Variants in ACYP2 observed in about 807,000 individuals in gnomAD.
ACYP2 encodes acylphosphatase 2.
ACYP2 carries 12 observed loss-of-function variants against 11.2 expected under a neutral mutation model. The ratio of observed to expected loss-of-function variants is 1.08; its 90% CI spans 0.69 to 1.74. ACYP2 has a LOEUF of 1.74. Among genes scored for constraint, ACYP2 ranks in the 40% most tolerant of loss-of-function variants. The pLI is 0.00. For synonymous variants in ACYP2, 43 were observed against 32.2 expected, an observed-to-expected ratio of 1.33 and a Z score of -1.13; for missense variants, 134 against 101.9, an observed-to-expected ratio of 1.31 and a Z score of -1.35.
intron 2 of ACYP2, among the ~76,000 whole-genome samples, chr2:54,033,308 C>T (rs1197066372): frequency 4.6e-5 from 7 of 151,866 alleles, no homozygotes; most frequent in Middle Eastern, 3.4e-3. Flanking sequence ...AGCTATCTTC[C>T]GACCTCACCC....
intron 6 of ACYP2, among the ~76,000 whole-genome samples, chr2:54,244,798 T>C (rs953852234): frequency 6.6e-6 from 1 of 152,218 alleles, no homozygotes; most frequent in Non-Finnish European, 1.5e-5. Flanking sequence ...ATGGAGTACA[T>C]AGTGATGTTT....
chr2:54,031,460 C>A (rs1674582323), intron 2 of ACYP2, among the ~76,000 whole-genome samples: 1 of 152,028 alleles, frequency 6.6e-6, no homozygotes, highest in Admixed American at 6.6e-5. Flanking sequence ...TGAACTCATC[C>A]TTTTTTATGG....
In ACYP2 at chr2:54,137,120, A is replaced by G. The variant is rs145711352; in HGVS notation, c.295-1519A>G. On this transcript the variant is annotated intron_variant, in intron 5 of 6. Transcript: ENST00000607452. The stretch of plus-strand genomic sequence containing the variant: ...AAAAAGGCAATTTTAAAAGACTATT[A>G]ATAATAATAGGAGAGATAAATCTAC... Among the ~76,000 whole-genome samples the G allele has an allele frequency of 6.6e-5, 10 of 152,146 alleles. No homozygotes were observed. In the East Asian group the frequency reaches 1.7e-3, roughly 26 times the overall value.
At chr2:54,278,829 G>A (rs1426083323) in intron 6 of ACYP2, among the ~76,000 whole-genome samples, 1 of 152,016 alleles carries the variant, frequency 6.6e-6, no homozygotes, top group Non-Finnish European at 1.5e-5. Flanking sequence ...TTTTTGAAAG[G>A]AACTAAATAA....
intron 6 of ACYP2, among the ~76,000 whole-genome samples, chr2:54,188,276 C>T (rs1184068538): frequency 6.6e-6 from 1 of 152,000 alleles, no homozygotes; most frequent in African/African-American, 2.4e-5. Context: ...CTCTTTAAAA[C>T]CTTTAAAAAT....
intron 6 of ACYP2, among the ~76,000 whole-genome samples, chr2:54,276,614 T>C (rs1170994034): frequency 8.3e-6 from 1 of 120,668 alleles, no homozygotes; most frequent in Non-Finnish European, 1.8e-5. Context: ...GTTCAGATTG[T>C]TCTTTCACAC....
chr2:54,282,485 A>T (rs897113362), intron 6 of ACYP2, among the ~76,000 whole-genome samples: 4 of 152,254 alleles, frequency 2.6e-5, no homozygotes, highest in African/African-American at 9.6e-5. Flanking sequence ...GACCTGGAAC[A>T]AAGTTCTGCC....
intron 6 of ACYP2, among the ~76,000 whole-genome samples, chr2:54,199,194 A>G (rs1684645677): frequency 6.6e-6 from 1 of 152,014 alleles, no homozygotes; most frequent in Non-Finnish European, 1.5e-5. Flanking sequence ...TAGATGTAAC[A>G]CTCTTACTTC....
intron 2 of ACYP2, among the ~76,000 whole-genome samples, chr2:54,017,253 G>GTTTCT (rs199554509): frequency 0.26 from 33,125 of 129,122 alleles, 5,227 homozygotes; most frequent in South Asian, 0.44. Flanking sequence ...TGGCCGTTAA[G>GTTTCT]TTTCTTTTCT....
chr2:54,050,575 T>C (rs60063570), intron 2 of ACYP2, among the ~76,000 whole-genome samples: 60 of 148,144 alleles, frequency 4.1e-4, no homozygotes, highest in African/African-American at 1.5e-3. Flanking sequence ...AGAAAATAAC[T>C]AAAGAAAACA....
At position 54,202,699 on chromosome 2, in the gene ACYP2, C is replaced by T. The variant is rs1471438922; in HGVS notation, c.404+63951C>T. On this transcript the variant is annotated intron_variant, in intron 6 of 6. Transcript: ENST00000607452. ...CTGGGATTACAGGTGTGAGCCACGG[C>T]GCCTGGCTTTTTTTTTTTTTTTTTT... Among the ~76,000 whole-genome samples, 29 of 111,848 alleles carry T rather than the reference C, an allele frequency of 2.6e-4. No individual in the cohort carries two copies. In the Admixed American group the frequency reaches 2.7e-3, roughly 10 times the overall value. The allele number at this position is 111,848 out of a possible 152,430, so 73.4% of individuals were successfully genotyped here.
chr2:54,191,833 T>C (rs1684253373), intron 6 of ACYP2, among the ~76,000 whole-genome samples: 1 of 152,164 alleles, frequency 6.6e-6, no homozygotes, highest in Non-Finnish European at 1.5e-5. Flanking sequence ...TTAGCATGGA[T>C]CAATATGTAA....
chr2:54,125,678 AG>A, intron 4 of ACYP2, among the ~76,000 whole-genome samples: 1 of 152,200 alleles, frequency 6.6e-6, no homozygotes, highest in South Asian at 2.1e-4. Context: ...TGAACCTGGG[AG>A]GTGGAGGTTG....
intron 3 of ACYP2, chr2:54,051,612 C>A: frequency 1.3e-6 from 1 of 743,638 alleles, no homozygotes. Context: ...AATGACACTG[C>A]TGCAGGTGAC....
At chr2:54,271,082 T>C (rs1443693397) in intron 6 of ACYP2, among the ~76,000 whole-genome samples, 1 of 152,232 alleles carries the variant, frequency 6.6e-6, no homozygotes. Context: ...TGGTGCTCCT[T>C]GCTCATTCCA....
intron 4 of ACYP2, among the ~76,000 whole-genome samples, chr2:54,096,134 G>A (rs1278173651): frequency 2.1e-5 from 3 of 142,840 alleles, no homozygotes; most frequent in African/African-American, 7.9e-5. Flanking sequence ...CTGCTGGGCG[G>A]AGGGGCTCCT....
chr2:54,059,510 C>T (rs1018163186), intron 4 of ACYP2, among the ~76,000 whole-genome samples: 5 of 152,222 alleles, frequency 3.3e-5, no homozygotes, highest in Admixed American at 6.5e-5. Flanking sequence ...CCATGCACGG[C>T]GAGCATCTTA....
chr2:54,050,320 G>A (rs186005030), intron 2 of ACYP2, among the ~76,000 whole-genome samples: 9 of 152,144 alleles, frequency 5.9e-5, no homozygotes, highest in South Asian at 4.2e-4. Context: ...GGCTGAGGTG[G>A]GTGGATCATG....
chr2:54,007,361 C>T (rs1328406781), intron 2 of ACYP2, among the ~76,000 whole-genome samples: 2 of 149,724 alleles, frequency 1.3e-5, no homozygotes, highest in Non-Finnish European at 3.0e-5. Context: ...CCAAGTGATT[C>T]TTCTGCCTCA....
Sources: gnomAD v4.1 joint callset for allele counts (sites outside exome capture counted in the v4.1 genomes callset) on GRCh38, gnomAD v4.1.1 for gene constraint, MANE v1.5 for transcripts, NCBI Gene and HGNC (gene_info 2026-07-23, HGNC 2026-07-21) for gene names.